HSD17B12: variants seen among roughly 807,000 people sequenced by gnomAD.
HSD17B12 encodes hydroxysteroid 17-beta dehydrogenase 12, also known as very-long-chain 3-oxoacyl-CoA reductase.
A neutral mutation model predicts 39.3 loss-of-function variants in HSD17B12; 32 were observed. The observed-to-expected ratio is 0.81, with a 90% confidence interval of 0.61 to 1.09. HSD17B12 has a LOEUF of 1.09. Ranked by LOEUF, HSD17B12 falls within the 50% of genes least tolerant of loss-of-function variation. The probability of loss-of-function intolerance (pLI) is 0.00; values close to 1 mark genes in which losing one functional copy is unlikely to be tolerated. For missense variants in HSD17B12, 342 were observed against 382.9 expected (o/e 0.89, Z 0.89); for synonymous variants, 150 against 146.7 (o/e 1.02, Z -0.16).
intron 1 of HSD17B12, among the ~76,000 whole-genome samples, chr11:43,722,038 A>G (rs1178986170): frequency 6.6e-6 from 1 of 152,128 alleles, no homozygotes; most frequent in Non-Finnish European, 1.5e-5. Flanking sequence ...TATGTATTAG[A>G]CAGGTCTTAT....
intron 1 of HSD17B12, among the ~76,000 whole-genome samples, chr11:43,690,404 A>ATATATATTTTTTTTTT (rs1554959942): frequency 4.0e-5 from 1 of 24,960 alleles, no homozygotes; most frequent in Non-Finnish European, 6.9e-5. Context: ...ATATATATAT[A>ATATATATTTTTTTTTT]TTTTTTTTTT....
chr11:43,750,894 T>A lies in HSD17B12; in HGVS notation c.161-17T>A. The A allele has an allele frequency of 6.3e-7, 1 of 1,588,106 alleles. No homozygotes were observed. Among genetic ancestry groups the A allele is most frequent in the South Asian group, 1.1e-5 (1 of 88,376 alleles). On this transcript the variant is annotated splice_polypyrimidine_tract_variant and intron_variant, in intron 1 of 10. Transcript: ENST00000278353. ...TGTAATTCTTAGACTAAACTATTGCTTTTTTCCCTTTCCCAGTTGTCACAG... is the reference window on the plus strand; with the variant it reads ...TGTAATTCTTAGACTAAACTATTGCATTTTTCCCTTTCCCAGTTGTCACAG...
chr11:43,647,256 T>C, the HSD17B12 span, among the ~76,000 whole-genome samples: 1 of 152,086 alleles, frequency 6.6e-6, no homozygotes, highest in African/African-American at 2.4e-5. Context: ...CATATAACTA[T>C]TCACATTGCT....
the HSD17B12 span, among the ~76,000 whole-genome samples, chr11:43,669,641 T>A: frequency 1.3e-5 from 2 of 152,314 alleles, no homozygotes; most frequent in African/African-American, 4.8e-5. Flanking sequence ...CTTCTGGTGG[T>A]TGTTGGCCAT....
At chr11:43,639,824 C>T in the HSD17B12 span, among the ~76,000 whole-genome samples, 3 of 152,106 alleles carry the variant, frequency 2.0e-5, no homozygotes, top group Non-Finnish European at 4.4e-5. Context: ...AGATACTTTT[C>T]GTGAAATGAG....
intron 1 of HSD17B12, among the ~76,000 whole-genome samples, chr11:43,724,515 C>G (rs962084428): frequency 3.9e-5 from 6 of 152,006 alleles, no homozygotes; most frequent in Non-Finnish European, 8.8e-5. Context: ...TTATTTCTCA[C>G]AGTTTTGAAG....
At chr11:43,701,150 T>C (rs1215930330) in intron 1 of HSD17B12, among the ~76,000 whole-genome samples, 1 of 152,248 alleles carries the variant, frequency 6.6e-6, no homozygotes, top group East Asian at 1.9e-4. Flanking sequence ...GAGAAATGTC[T>C]ATACACATAT....
At chr11:43,620,270 G>C in the HSD17B12 span, among the ~76,000 whole-genome samples, 1 of 152,172 alleles carries the variant, frequency 6.6e-6, no homozygotes, top group Non-Finnish European at 1.5e-5. Flanking sequence ...ACCCTATGGA[G>C]TAAATATTAT....
intron 1 of HSD17B12, among the ~76,000 whole-genome samples, chr11:43,743,520 G>T (rs1216686288): frequency 6.6e-6 from 1 of 152,194 alleles, no homozygotes; most frequent in African/African-American, 2.4e-5. Flanking sequence ...AAAGACAGGG[G>T]TGGGGCAGAT....
At chr11:43,690,383 TATATATATATATATATATATA>T (rs1363465761) in intron 1 of HSD17B12, among the ~76,000 whole-genome samples, 207 of 13,606 alleles carry the variant, frequency 0.015, 24 homozygotes, top group African/African-American at 0.049. Flanking sequence ...TATATATATA[TATATATATATATATATATATA>T]TTTTTTTTTT....
In HSD17B12 at chr11:43,815,520, AT is replaced by A; in HGVS notation, c.456+21del. ...GGACAATGTAAGTCTTTCTTTGTGTATTATGGTAACAAAAATAATGCATGCA... is the reference window on the plus strand; with the variant it reads ...GGACAATGTAAGTCTTTCTTTGTGTATATGGTAACAAAAATAATGCATGCA... On this transcript the variant is annotated intron_variant, in intron 5 of 10. Transcript: ENST00000278353. 7 of 1,471,030 alleles carry A rather than the reference AT, an allele frequency of 4.8e-6. No individual in the cohort carries two copies. The highest frequency in any genetic ancestry group is 6.6e-6 in the Non-Finnish European group (7 of 1,064,434). The allele number at this position is 1,471,030 out of a possible 1,614,324, so 91.1% of individuals were successfully genotyped here.
At chr11:43,724,358 G>T (rs192046678) in intron 1 of HSD17B12, among the ~76,000 whole-genome samples, 2 of 151,854 alleles carry the variant, frequency 1.3e-5, no homozygotes, top group Admixed American at 1.3e-4. Context: ...ACCATATGTG[G>T]CAGAAAGCCA....
chr11:43,563,140 C>G, the HSD17B12 span, among the ~76,000 whole-genome samples: 2 of 152,130 alleles, frequency 1.3e-5, no homozygotes, highest in Admixed American at 6.5e-5. Context: ...CCTTACCTAG[C>G]CCCTACGGAC....
At chr11:43,838,294 A>G in intron 7 of HSD17B12, 23 bp from the exon 8 acceptor site, 1 of 1,558,812 alleles carries the variant, frequency 6.4e-7, no homozygotes, top group South Asian at 1.1e-5. Flanking sequence ...CACTCCTTTT[A>G]CACGGTACAT....
chr11:43,565,858 G>A, the HSD17B12 span, among the ~76,000 whole-genome samples: 1 of 152,218 alleles, frequency 6.6e-6, no homozygotes. Context: ...GTGGAAATGA[G>A]ACAATGAATG....
At chr11:43,678,558 A>G (rs1949713206), upstream of HSD17B12, among the ~76,000 whole-genome samples, 1 of 152,154 alleles carries the variant, frequency 6.6e-6, no homozygotes, top group South Asian at 2.1e-4. Flanking sequence ...AGGGTTTTTT[A>G]TAGTTTTAGG....
At chr11:43,844,759 T>G (rs1227041044) in intron 9 of HSD17B12, among the ~76,000 whole-genome samples, 4 of 152,158 alleles carry the variant, frequency 2.6e-5, no homozygotes, top group Non-Finnish European at 5.9e-5. Context: ...TTCTGCAAAA[T>G]TTTCATAAGC....
chr11:43,648,322 A>G, the HSD17B12 span, among the ~76,000 whole-genome samples: 12 of 152,014 alleles, frequency 7.9e-5, no homozygotes, highest in African/African-American at 2.9e-4. Flanking sequence ...GTCATATTTC[A>G]TTTTTATAAT....
chr11:43,735,997 A>G (rs986176675), intron 1 of HSD17B12, among the ~76,000 whole-genome samples: 5 of 152,202 alleles, frequency 3.3e-5, no homozygotes, highest in African/African-American at 1.2e-4. Context: ...TTACTCCCAC[A>G]TTTTGGGTAT....
Sources: allele counts gnomAD v4.1 joint callset (sites outside exome capture counted in the v4.1 genomes callset), GRCh38; gene constraint gnomAD v4.1.1; transcripts MANE v1.5; gene names NCBI Gene and HGNC (gene_info 2026-07-23, HGNC 2026-07-21).